The following PTPRT variants were observed in gnomAD, a reference collection of about 807,000 sequenced individuals.
PTPRT encodes the protein receptor-type tyrosine-protein phosphatase T.
Under a neutral mutation model 176.8 loss-of-function variants are expected in PTPRT, and 56 were observed. The ratio of observed to expected loss-of-function variants is 0.32; its 90% CI spans 0.26 to 0.40. The LOEUF is 0.40. PTPRT is among the 10% of genes least tolerant of loss of function. The probability of loss-of-function intolerance (pLI) is 1.00; values close to 1 mark genes in which losing one functional copy is unlikely to be tolerated. For synonymous variants in PTPRT, 783 were observed against 739.0 expected (o/e 1.06, Z -0.96); for missense variants, 1,540 against 1,908.2 (o/e 0.81, Z 3.60).
At chr20:42,644,562 T>C (rs1455981941) in intron 7 of PTPRT, among the ~76,000 whole-genome samples, 1 of 152,104 alleles carries the variant, frequency 6.6e-6, no homozygotes, top group Non-Finnish European at 1.5e-5. Context: ...ACAGGGGCTA[T>C]AGGATGCAAT....
chr20:42,961,175 A>G (rs1981963535), intron 1 of PTPRT, among the ~76,000 whole-genome samples: 1 of 152,196 alleles, frequency 6.6e-6, no homozygotes, highest in Non-Finnish European at 1.5e-5. Context: ...TTGAAATCCA[A>G]TTGTTGATAA....
intron 9 of PTPRT, among the ~76,000 whole-genome samples, chr20:42,356,113 C>T (rs549706297): frequency 3.3e-5 from 5 of 152,076 alleles, no homozygotes; most frequent in East Asian, 1.9e-4. Flanking sequence ...AGTGAGGGAT[C>T]GGGCTGGGGA....
intron 1 of PTPRT, among the ~76,000 whole-genome samples, chr20:43,134,208 G>A (rs902232404): frequency 3.9e-5 from 6 of 152,178 alleles, no homozygotes; most frequent in Non-Finnish European, 7.3e-5. Context: ...TTATAGATCA[G>A]TTTAATTTAT....
At chr20:43,049,715 A>C (rs1005049043) in intron 1 of PTPRT, among the ~76,000 whole-genome samples, 3 of 152,150 alleles carry the variant, frequency 2.0e-5, no homozygotes, top group African/African-American at 7.2e-5. Context: ...TCACTCCGAC[A>C]AATAAGCTTT....
intron 16 of PTPRT, among the ~76,000 whole-genome samples, chr20:42,172,626 AATG>A (rs1990127023): frequency 6.6e-6 from 1 of 152,210 alleles, no homozygotes; most frequent in Non-Finnish European, 1.5e-5. Context: ...AGTTTTCCCC[AATG>A]TTAACACTTG....
At position 42,474,875 on chromosome 20, in the gene PTPRT, G is replaced by A. The variant is rs62204914; in HGVS notation, c.1154-2313C>T. On this transcript the variant is annotated intron_variant, in intron 7 of 30. Transcript: ENST00000373187. ...CACTGCCCCTGCTCAGGGCCTCTTCGACACTCCTCCCCTGGGTTTGCCCTC... is the reference window on the plus strand; with the variant it reads ...CACTGCCCCTGCTCAGGGCCTCTTCAACACTCCTCCCCTGGGTTTGCCCTC... Among the ~76,000 whole-genome samples the A allele has an allele frequency of 8.1e-3, 1,234 of 152,088 alleles. 11 individuals carry two copies. Among genetic ancestry groups the A allele is most frequent in the Middle Eastern group, 0.017 (5 of 294 alleles).
chr20:42,328,459 A>G (rs1036936067), intron 11 of PTPRT, among the ~76,000 whole-genome samples: 4 of 152,164 alleles, frequency 2.6e-5, no homozygotes, highest in South Asian at 4.1e-4. Flanking sequence ...TTGGTGCTCC[A>G]TAAGTGGATC....
At chr20:42,882,204 GAACA>G (rs1263813484) in intron 2 of PTPRT, among the ~76,000 whole-genome samples, 1 of 152,198 alleles carries the variant, frequency 6.6e-6, no homozygotes, top group Non-Finnish European at 1.5e-5. Context: ...CCCATAAGAA[GAACA>G]AACAGTTTTG....
intron 7 of PTPRT, among the ~76,000 whole-genome samples, chr20:42,639,585 T>C (rs1220445261): frequency 1.3e-5 from 2 of 152,046 alleles, no homozygotes; most frequent in Non-Finnish European, 2.9e-5. Flanking sequence ...CCTACAGCAT[T>C]TCACTAAAAA....
At chr20:42,601,402 A>T (rs13045128) in intron 7 of PTPRT, among the ~76,000 whole-genome samples, 37,981 of 152,138 alleles carry the variant, frequency 0.25, 5,109 homozygotes, top group Non-Finnish European at 0.3. Flanking sequence ...GCCATCAAGC[A>T]TCAGCACATG....
chr20:42,403,864 G>C (rs1423280421), intron 9 of PTPRT, among the ~76,000 whole-genome samples: 1 of 152,124 alleles, frequency 6.6e-6, no homozygotes, highest in African/African-American at 2.4e-5. Flanking sequence ...GGCTTATCCT[G>C]CTGCCTTTTG....
intron 21 of PTPRT, among the ~76,000 whole-genome samples, chr20:42,117,365 G>A (rs549798979): frequency 3.3e-5 from 5 of 152,064 alleles, no homozygotes; most frequent in South Asian, 2.1e-4. Flanking sequence ...TTTAATTCTC[G>A]TGTTTGTACA....
chr20:42,070,283 A>AAAGATCTT (rs1004077543), downstream of PTPRT, among the ~76,000 whole-genome samples: 8 of 151,792 alleles, frequency 5.3e-5, no homozygotes, highest in Non-Finnish European at 1.0e-4. Flanking sequence ...GGAATTAAAG[A>AAAGATCTT]AAGATCTTAA....
chr20:42,902,938 A>G (rs879732004), intron 1 of PTPRT, among the ~76,000 whole-genome samples: 91 of 152,230 alleles, frequency 6.0e-4, no homozygotes, highest in Non-Finnish European at 4.4e-4. Flanking sequence ...ACATTATTCT[A>G]GCTATCAGGG....
At chr20:42,429,260 G>A (rs145293072) in intron 9 of PTPRT, among the ~76,000 whole-genome samples, 93 of 152,206 alleles carry the variant, frequency 6.1e-4, no homozygotes, top group African/African-American at 1.9e-3. Flanking sequence ...CATGGGATTC[G>A]AGCAGGAAAT....
chr20:43,058,594 GAAC>G (rs1490539556), intron 1 of PTPRT, among the ~76,000 whole-genome samples: 2 of 152,120 alleles, frequency 1.3e-5, no homozygotes, highest in Non-Finnish European at 2.9e-5. Context: ...ATTGTAATGT[GAAC>G]AATATGTCAT....
chr20:42,559,143 G>T (rs751727449), intron 7 of PTPRT, among the ~76,000 whole-genome samples: 1 of 152,142 alleles, frequency 6.6e-6, no homozygotes, highest in African/African-American at 2.4e-5. Context: ...CATTGTAGAG[G>T]CTTAAATCTA....
intron 7 of PTPRT, among the ~76,000 whole-genome samples, chr20:42,639,769 T>C (rs1336107654): frequency 6.6e-6 from 1 of 152,188 alleles, no homozygotes; most frequent in Non-Finnish European, 1.5e-5. Context: ...TTAGGTATTA[T>C]AATTCAGTGT....
At chr20:42,283,554 G>A (rs988327223) in intron 12 of PTPRT, among the ~76,000 whole-genome samples, 1 of 152,064 alleles carries the variant, frequency 6.6e-6, no homozygotes, top group Non-Finnish European at 1.5e-5. Context: ...CCTGTCCAAT[G>A]TAGGTGTGTG....
Sources: allele counts gnomAD v4.1 joint callset (sites outside exome capture counted in the v4.1 genomes callset), GRCh38; gene constraint gnomAD v4.1.1; transcripts MANE v1.5; gene names NCBI Gene and HGNC (gene_info 2026-07-23, HGNC 2026-07-21).